The following ZDHHC20 variants were observed in gnomAD, a reference collection of about 807,000 sequenced individuals.
The protein encoded by ZDHHC20 is zDHHC palmitoyltransferase 20.
In ZDHHC20, 43 loss-of-function variants were observed where a neutral mutation model predicts 57.8. The ratio of observed to expected loss-of-function variants is 0.74; its 90% CI spans 0.58 to 0.96. ZDHHC20 has a LOEUF of 0.96. Among genes scored for constraint, ZDHHC20 ranks in the 40% least tolerant of loss-of-function variants. ZDHHC20 has a pLI of 0.00. For missense variants in ZDHHC20, 391 were observed against 441.1 expected (o/e 0.89, Z 1.02); for synonymous variants, 157 against 153.0 (o/e 1.03, Z -0.19).
intron 1 of ZDHHC20, among the ~76,000 whole-genome samples, chr13:21,428,345 C>T (rs914107365): frequency 5.3e-5 from 8 of 151,768 alleles, no homozygotes; most frequent in African/African-American, 1.7e-4. Context: ...CTCAACCTCC[C>T]GAGTAGCTGG....
intron 9 of ZDHHC20, among the ~76,000 whole-genome samples, chr13:21,384,661 T>G (rs542397873): frequency 7.2e-5 from 11 of 152,140 alleles, no homozygotes; most frequent in Non-Finnish European, 1.3e-4. Flanking sequence ...TTCACAGAGC[T>G]TTCACAGCAC....
At chr13:21,452,006 CAAAA>C (rs971110470) in intron 1 of ZDHHC20, among the ~76,000 whole-genome samples, 35 of 151,268 alleles carry the variant, frequency 2.3e-4, no homozygotes, top group African/African-American at 7.8e-4. Context: ...AAAAAAAAAA[CAAAA>C]AAACACTTAT....
At chr13:21,410,199 G>C (rs771436039) in intron 4 of ZDHHC20, among the ~76,000 whole-genome samples, 1 of 152,126 alleles carries the variant, frequency 6.6e-6, no homozygotes, top group Non-Finnish European at 1.5e-5. Context: ...TGTTTGCCTG[G>C]GTATCACCAG....
intron 7 of ZDHHC20, among the ~76,000 whole-genome samples, chr13:21,397,201 C>T (rs1488507273): frequency 2.0e-5 from 3 of 152,092 alleles, no homozygotes; most frequent in East Asian, 3.9e-4. Context: ...TCAAGACTGG[C>T]CTGGCCAACA....
chr13:21,427,691 CA>C (rs950040195), intron 1 of ZDHHC20, among the ~76,000 whole-genome samples: 24 of 152,108 alleles, frequency 1.6e-4, no homozygotes, highest in African/African-American at 5.5e-4. Flanking sequence ...AAAAATTAGC[CA>C]GGCATGGTGG....
chr13:21,453,306 T>A (rs1251576372), intron 1 of ZDHHC20, among the ~76,000 whole-genome samples: 1 of 152,232 alleles, frequency 6.6e-6, no homozygotes, highest in African/African-American at 2.4e-5. Context: ...TACACAGATG[T>A]AAAATACGAG....
intron 8 of ZDHHC20, among the ~76,000 whole-genome samples, chr13:21,391,451 C>G (rs1232849780): frequency 6.6e-6 from 1 of 152,144 alleles, no homozygotes; most frequent in African/African-American, 2.4e-5. Context: ...TTGTTCCCAT[C>G]CAGTCACAAT....
At chr13:21,454,531 A>G (rs1331337803) in intron 1 of ZDHHC20, among the ~76,000 whole-genome samples, 1 of 152,222 alleles carries the variant, frequency 6.6e-6, no homozygotes, top group Non-Finnish European at 1.5e-5. Flanking sequence ...TACCTACCTA[A>G]GAAAGGGCTC....
At chr13:21,391,597 G>T in intron 8 of ZDHHC20, 125 bp downstream of exon 8, 1 of 1,059,786 alleles carries the variant, frequency 9.4e-7, no homozygotes, top group Non-Finnish European at 1.3e-6. Context: ...TTAGGCACGT[G>T]CCACCAATTC....
At position 21,376,669 on chromosome 13, in the gene ZDHHC20, A is replaced by G; in HGVS notation, c.*41-14T>C. On this transcript the variant is annotated splice_polypyrimidine_tract_variant and intron_variant, in intron 12 of 12. Coordinates refer to ENST00000400590, the MANE Select transcript of ZDHHC20 (RefSeq NM_001330059.2). The stretch of plus-strand genomic sequence containing the variant: ...GTTTTCATACACCTACAAAAAAAGA[A>G]ACAAATTATTGGTTAAAACTTGATT... 1 of 1,402,592 alleles carries G rather than the reference A, an allele frequency of 7.1e-7. No individual in the cohort carries two copies. The highest frequency in any genetic ancestry group is 9.6e-7 in the Non-Finnish European group (1 of 1,041,172). 86.9% of individuals were successfully genotyped at this position (1,402,592 alleles called of 1,614,324 possible).
intron 7 of ZDHHC20, among the ~76,000 whole-genome samples, chr13:21,399,968 C>G (rs1032005813): frequency 3.3e-5 from 5 of 151,636 alleles, no homozygotes; most frequent in Non-Finnish European, 5.9e-5. Context: ...GCTGTAAAAT[C>G]TATAAAGACA....
chr13:21,436,686 A>G (rs1322514084), intron 1 of ZDHHC20, among the ~76,000 whole-genome samples: 1 of 152,222 alleles, frequency 6.6e-6, no homozygotes, highest in African/African-American at 2.4e-5. Context: ...CCGGAGACAC[A>G]ACAATACTGC....
At chr13:21,397,929 T>C (rs1368797546) in intron 7 of ZDHHC20, among the ~76,000 whole-genome samples, 1 of 152,020 alleles carries the variant, frequency 6.6e-6, no homozygotes, top group Non-Finnish European at 1.5e-5. Context: ...GTCTGTGATA[T>C]TAGGAATAGG....
intron 1 of ZDHHC20, among the ~76,000 whole-genome samples, chr13:21,428,872 T>TAAAAC (rs141165926): frequency 6.6e-6 from 1 of 151,366 alleles, no homozygotes; most frequent in Non-Finnish European, 1.5e-5. Context: ...CAAAACAAAA[T>TAAAAC]AAAACAAAAC....
intron 4 of ZDHHC20, among the ~76,000 whole-genome samples, chr13:21,407,388 T>C (rs1384376555): frequency 6.6e-6 from 1 of 152,252 alleles, no homozygotes; most frequent in Non-Finnish European, 1.5e-5. Flanking sequence ...CCAGTGATAA[T>C]GAGCTTTTTA....
chr13:21,423,447 G>C (rs1880873435), intron 2 of ZDHHC20, among the ~76,000 whole-genome samples: 1 of 152,036 alleles, frequency 6.6e-6, no homozygotes, highest in African/African-American at 2.4e-5. Context: ...AGGCTGGGGC[G>C]GGCGGATCAC....
At chr13:21,456,252 CA>C (rs1433567835) in intron 1 of ZDHHC20, among the ~76,000 whole-genome samples, 1 of 151,474 alleles carries the variant, frequency 6.6e-6, no homozygotes, top group East Asian at 1.9e-4. Flanking sequence ...ACTAAAAATA[CA>C]AAAAAAATTA....
Position 21,459,167 on chromosome 13 carries a change from G to A in ZDHHC20, c.5C>T (p.Ala2Val), listed in dbSNP as rs377073819. 2 of 1,597,566 alleles carry A rather than the reference G, an allele frequency of 1.3e-6. No homozygotes were observed. Among genetic ancestry groups the A allele is most frequent in the African/African-American group, 1.4e-5 (1 of 73,040 alleles). Residue 2 changes from alanine (A) to valine (V), a missense_variant, in exon 1 of 13, where the codon GCG becomes GTG. Around this residue, in one of 3 missense-constraint regions of ZDHHC20, gnomAD observed 185 missense variants for 188.0 expected, o/e 0.98. Transcript: ENST00000400590. M[A>V]PWTLWRCCQR... is the part of the protein sequence containing the mutation. The stretch of plus-strand genomic sequence containing the variant: ...GCAGCAGCGCCACAGCGTCCAGGGC[G>A]CCATGTTCCGCTGGCGGCTGCCGAG...
intron 7 of ZDHHC20, among the ~76,000 whole-genome samples, chr13:21,395,222 A>G (rs1356192892): frequency 1.3e-5 from 2 of 151,870 alleles, no homozygotes; most frequent in Non-Finnish European, 2.9e-5. Context: ...GCCAGCTACC[A>G]GGCCCAGCTA....
Sources: gnomAD v4.1 joint callset for allele counts (sites outside exome capture counted in the v4.1 genomes callset) on GRCh38, gnomAD v4.1.1 for gene constraint, gnomAD v4.1.1 regional missense constraint, MANE v1.5 for transcripts, NCBI Gene and HGNC (gene_info 2026-07-23, HGNC 2026-07-21) for gene names.